PDE4D: variants seen among roughly 807,000 people sequenced by gnomAD.
PDE4D encodes phosphodiesterase 4D, also known as 3',5'-cyclic-AMP phosphodiesterase 4D.
PDE4D carries 24 observed loss-of-function variants against 87.4 expected under a neutral mutation model. The observed-to-expected ratio is 0.27, with a 90% CI of 0.20 to 0.39. The LOEUF (loss-of-function observed/expected upper bound fraction) is 0.39. Among genes scored for constraint, PDE4D ranks in the 10% least tolerant of loss-of-function variants. The pLI is 1.00. For synonymous variants in PDE4D, 384 were observed against 383.2 expected (o/e 1.00, Z -0.02); for missense variants, 714 against 1,041.0 (o/e 0.69, Z 4.32).
intron 3 of PDE4D, among the ~76,000 whole-genome samples, chr5:59,933,527 C>T (rs1756207575): frequency 6.6e-6 from 1 of 152,160 alleles, no homozygotes; most frequent in Admixed American, 6.5e-5. Flanking sequence ...TGTGCCAAGA[C>T]TCTAACTAAA....
intron 1 of PDE4D, among the ~76,000 whole-genome samples, chr5:59,884,426 C>A (rs953941194): frequency 6.6e-6 from 1 of 151,884 alleles, no homozygotes; most frequent in Non-Finnish European, 1.5e-5. Flanking sequence ...CATATTCTGT[C>A]ATCTATTCTC....
At chr5:60,489,158 G>C (rs1749380054), upstream of PDE4D, among the ~76,000 whole-genome samples, 1 of 152,190 alleles carries the variant, frequency 6.6e-6, no homozygotes, top group South Asian at 2.1e-4. Flanking sequence ...ACACCCCTTA[G>C]ATACTTAATG....
intron 1 of PDE4D, among the ~76,000 whole-genome samples, chr5:59,688,031 T>C (rs190448611): frequency 0.012 from 1,881 of 152,246 alleles, 27 homozygotes; most frequent in African/African-American, 0.044. Flanking sequence ...ATCCTAAATA[T>C]ATATGCACCC....
In PDE4D at chr5:59,863,963, GTCAC is replaced by G. The variant is rs553470339; in HGVS notation, c.455+29201_455+29204del. ...CCTGACTGGCTCCCTGGAAGGCTGA[GTCAC>G]TGAGCAGTGCCCTGCGTGTAGTATT... On this transcript the variant is annotated intron_variant, in intron 1 of 14. Coordinates refer to ENST00000340635, the MANE Select transcript of PDE4D (RefSeq NM_001104631.2). Among the ~76,000 whole-genome samples the G allele has an allele frequency of 2.5e-4, 38 of 152,258 alleles. No homozygotes were observed. The East Asian group carries it at 4.6e-3, about 19-fold the overall frequency.
rs189150419 is a variant in PDE4D, at chr5:59,870,641, A to G, written c.455+22527T>C. ...TGATATAGTTTTCATTACAAAAATC[A>G]GGCTGGTGGCATCAAACATGTGGGC... On this transcript the variant is annotated intron_variant, in intron 1 of 14. Coordinates refer to ENST00000340635, the MANE Select transcript of PDE4D (RefSeq NM_001104631.2). Among the ~76,000 whole-genome samples the G allele has an allele frequency of 2.0e-4, 31 of 152,224 alleles. 1 individual carries two copies. The highest frequency in any genetic ancestry group is 5.8e-4 in the African/African-American group (24 of 41,464).
At chr5:60,348,380 C>A (rs1279314185) in intron 1 of PDE4D, among the ~76,000 whole-genome samples, 2 of 151,694 alleles carry the variant, frequency 1.3e-5, no homozygotes, top group African/African-American at 2.4e-5. Flanking sequence ...TGGATTGCTC[C>A]CTGCAAACTA....
intron 2 of PDE4D, among the ~76,000 whole-genome samples, chr5:60,117,434 C>T (rs1046729813): frequency 1.3e-5 from 2 of 151,974 alleles, no homozygotes; most frequent in Non-Finnish European, 2.9e-5. Flanking sequence ...TTTCTTTATC[C>T]TACCACCTCA....
chr5:59,829,972 T>C (rs2152696232), intron 1 of PDE4D, among the ~76,000 whole-genome samples: 1 of 149,204 alleles, frequency 6.7e-6, no homozygotes, highest in Admixed American at 6.6e-5. Flanking sequence ...CTTCTTAAAA[T>C]TCTGAGGTAA....
intron 2 of PDE4D, among the ~76,000 whole-genome samples, chr5:60,090,417 A>G (rs1317783320): frequency 6.6e-6 from 1 of 152,180 alleles, no homozygotes; most frequent in East Asian, 1.9e-4. Context: ...AACAGAATGA[A>G]GGACAAAAAC....
At chr5:59,902,605 T>A (rs959341277) in intron 3 of PDE4D, among the ~76,000 whole-genome samples, 1 of 152,150 alleles carries the variant, frequency 6.6e-6, no homozygotes, top group Non-Finnish European at 1.5e-5. Flanking sequence ...AGTTCATATA[T>A]TATATGCTCT....
intron 2 of PDE4D, among the ~76,000 whole-genome samples, chr5:60,000,680 A>C (rs1347736329): frequency 6.6e-6 from 1 of 152,216 alleles, no homozygotes; most frequent in Non-Finnish European, 1.5e-5. Context: ...TGCATAAATT[A>C]TTTTTAACTC....
intron 1 of PDE4D, among the ~76,000 whole-genome samples, chr5:59,693,712 T>G (rs529872738): frequency 6.6e-6 from 1 of 152,234 alleles, no homozygotes. Context: ...TTTGATGGAG[T>G]GTACTTGTTG....
At chr5:59,572,969 A>G (rs552911774) in intron 1 of PDE4D, among the ~76,000 whole-genome samples, 24 of 152,342 alleles carry the variant, frequency 1.6e-4, no homozygotes, top group Admixed American at 6.5e-4. Context: ...TGCACAACTT[A>G]GGACAAATTT....
At chr5:59,016,906 CA>C (rs1036254060) in intron 6 of PDE4D, among the ~76,000 whole-genome samples, 3 of 150,758 alleles carry the variant, frequency 2.0e-5, no homozygotes, top group Non-Finnish European at 3.0e-5. Flanking sequence ...AACAAGCAGA[CA>C]AAAAAAAATT....
intron 11 of PDE4D, among the ~76,000 whole-genome samples, chr5:58,979,832 A>C (rs1261978544): frequency 6.6e-6 from 1 of 152,112 alleles, no homozygotes; most frequent in East Asian, 1.9e-4. Context: ...TTATCTCTAC[A>C]AATCTTTTAA....
At chr5:59,487,575 C>A (rs1023767278) in intron 1 of PDE4D, among the ~76,000 whole-genome samples, 5 of 151,930 alleles carry the variant, frequency 3.3e-5, no homozygotes, top group African/African-American at 1.2e-4. Flanking sequence ...TGATTAAATG[C>A]ACAGTGGTTC....
At position 59,957,743 on chromosome 5, in the gene PDE4D, T is replaced by C. The variant is rs1391314685; in HGVS notation, c.272+30745A>G. ...ATAACGTATTTTCTCTATCTTTTTT[T>C]CTAGTGAGATTTTGCTCAAGAGAGT... On this transcript the variant is annotated intron_variant, in intron 3 of 16. Coordinates refer to the PDE4D transcript ENST00000502484. 2.6e-5 allele frequency among the ~76,000 whole-genome samples: 4 copies of C among 152,162 alleles called. No homozygotes were observed. The East Asian group carries it at 7.7e-4, about 29-fold the overall frequency.
intron 3 of PDE4D, among the ~76,000 whole-genome samples, chr5:59,971,951 A>C (rs1176245389): frequency 1.3e-5 from 2 of 152,344 alleles, no homozygotes; most frequent in South Asian, 4.1e-4. Context: ...AGACTTGAGC[A>C]GAATCCAGTG....
At chr5:59,157,718 A>G (rs1328694371) in intron 5 of PDE4D, among the ~76,000 whole-genome samples, 1 of 152,212 alleles carries the variant, frequency 6.6e-6, no homozygotes, top group Non-Finnish European at 1.5e-5. Context: ...ACTTAAAGCA[A>G]CAAGACTTGG....
Sources: gnomAD v4.1 joint callset for allele counts (sites outside exome capture counted in the v4.1 genomes callset) on GRCh38, gnomAD v4.1.1 for gene constraint, MANE v1.5 for transcripts, NCBI Gene and HGNC (gene_info 2026-07-23, HGNC 2026-07-21) for gene names.